The following CDH13 variants were observed in gnomAD, a reference collection of about 807,000 sequenced individuals.
CDH13 encodes the protein cadherin-13.
Under a neutral mutation model 63.8 loss-of-function variants are expected in CDH13, and 24 were observed. That is an observed-to-expected ratio of 0.38 (90% CI 0.27 to 0.53). The LOEUF is 0.53. Ranked by LOEUF, CDH13 falls within the 20% of genes least tolerant of loss-of-function variation. The pLI, the probability that CDH13 is intolerant of heterozygous loss-of-function variation, is 0.85. For synonymous variants in CDH13, 503 were observed against 355.3 expected (o/e 1.42, Z -4.67); for missense variants, 1,049 against 903.1 (o/e 1.16, Z -2.07).
intron 6 of CDH13, among the ~76,000 whole-genome samples, chr16:83,412,800 C>T (rs970463734): frequency 6.6e-5 from 10 of 152,308 alleles, no homozygotes; most frequent in South Asian, 2.1e-4. Context: ...CATGCATTTA[C>T]GATTTCAGGA....
At chr16:82,637,270 G>T (rs921977713) in intron 1 of CDH13, among the ~76,000 whole-genome samples, 3 of 151,972 alleles carry the variant, frequency 2.0e-5, no homozygotes, top group African/African-American at 4.8e-5. Context: ...AGATTATTGC[G>T]TTCTGTGGCA....
At chr16:83,434,045 T>C (rs2072209652) in intron 6 of CDH13, among the ~76,000 whole-genome samples, 1 of 152,172 alleles carries the variant, frequency 6.6e-6, no homozygotes, top group Non-Finnish European at 1.5e-5. Flanking sequence ...GGTGAGAGGT[T>C]TCCCAGAAGT....
chr16:82,956,308 C>G (rs1468156601), intron 2 of CDH13, among the ~76,000 whole-genome samples: 2 of 152,078 alleles, frequency 1.3e-5, no homozygotes, highest in African/African-American at 2.4e-5. Context: ...TAGATCTAAA[C>G]CACCATTATC....
intron 1 of CDH13, among the ~76,000 whole-genome samples, chr16:82,649,126 C>T (rs994716133): frequency 2.0e-5 from 3 of 152,180 alleles, no homozygotes; most frequent in Non-Finnish European, 1.5e-5. Context: ...ACATTTGTTG[C>T]TTGTTTAAAC....
chr16:83,313,545 C>G (rs138803781), intron 5 of CDH13, among the ~76,000 whole-genome samples: 4 of 150,506 alleles, frequency 2.7e-5, no homozygotes, highest in East Asian at 2.0e-4. Flanking sequence ...TAGAGGTTCT[C>G]AACCCAAAGT....
At chr16:83,157,720 C>A (rs981957738) in intron 4 of CDH13, among the ~76,000 whole-genome samples, 1 of 147,466 alleles carries the variant, frequency 6.8e-6, no homozygotes, top group Non-Finnish European at 1.5e-5. Flanking sequence ...GGGTGAAACC[C>A]CGTCTCTACT....
At chr16:83,442,170 T>C (rs528666259) in intron 6 of CDH13, among the ~76,000 whole-genome samples, 1 of 152,304 alleles carries the variant, frequency 6.6e-6, no homozygotes, top group African/African-American at 2.4e-5. Flanking sequence ...CTGGGTTTAT[T>C]ATTCACTGAG....
intron 10 of CDH13, among the ~76,000 whole-genome samples, chr16:83,733,126 A>G (rs1597144097): frequency 6.6e-6 from 1 of 152,208 alleles, no homozygotes; most frequent in Admixed American, 6.5e-5. Flanking sequence ...GGAAGATAGA[A>G]GGTGGTCAAA....
Position 82,877,958 on chromosome 16 carries a change from CACATAT to C in CDH13, c.157+19489_157+19494del, listed in dbSNP as rs760984927. Among the ~76,000 whole-genome samples the C allele has an allele frequency of 1.8e-3, 168 of 94,870 alleles. 2 individuals carry two copies. In the East Asian group the frequency reaches 0.12, roughly 70 times the overall value. 62.2% of individuals were successfully genotyped at this position (94,870 alleles called of 152,430 possible). On this transcript the variant is annotated intron_variant, in intron 2 of 13. Coordinates refer to ENST00000567109, the MANE Select transcript of CDH13 (RefSeq NM_001257.5). The stretch of plus-strand genomic sequence containing the variant: ...ACACACACACACACACACACACACA[CACATAT>C]ACACACACACACACTCTATATATGT...
At chr16:83,104,882 A>G (rs187931124) in intron 3 of CDH13, among the ~76,000 whole-genome samples, 607 of 152,296 alleles carry the variant, frequency 4.0e-3, no homozygotes, top group Non-Finnish European at 5.6e-3. Context: ...GACCAAATCG[A>G]TCGAGTTCTG....
At chr16:82,861,457 T>C (rs931133856) in intron 2 of CDH13, among the ~76,000 whole-genome samples, 4 of 152,210 alleles carry the variant, frequency 2.6e-5, no homozygotes, top group African/African-American at 9.7e-5. Flanking sequence ...TACCCTAGAC[T>C]TGTGTTCATC....
At chr16:82,861,175 T>C (rs2039929245) in intron 2 of CDH13, among the ~76,000 whole-genome samples, 1 of 152,222 alleles carries the variant, frequency 6.6e-6, no homozygotes, top group South Asian at 2.1e-4. Context: ...AGGGATGTTT[T>C]AGTCTCATAT....
intron 2 of CDH13, among the ~76,000 whole-genome samples, chr16:83,009,643 CTGTTCTTT>C (rs1913915410): frequency 6.6e-6 from 1 of 152,134 alleles, no homozygotes; most frequent in African/African-American, 2.4e-5. Flanking sequence ...TATTTAATAG[CTGTTCTTT>C]TTAAAAAATT....
chr16:82,975,537 A>G lies in CDH13; in HGVS notation c.158-56473A>G, dbSNP rs531124384. Among the ~76,000 whole-genome samples the G allele has an allele frequency of 1.3e-4, 20 of 152,360 alleles. No individual in the cohort carries two copies. The South Asian group carries it at 3.1e-3, about 24-fold the overall frequency. ...ACTGCCATGTGGCTTACATGAGATC[A>G]TGCATGCAAAGCCCCTAATACAGTG... On this transcript the variant is annotated intron_variant, in intron 2 of 13. Coordinates refer to ENST00000567109, the MANE Select transcript of CDH13 (RefSeq NM_001257.5).
At chr16:83,213,535 C>T (rs759511884) in intron 4 of CDH13, among the ~76,000 whole-genome samples, 10 of 152,052 alleles carry the variant, frequency 6.6e-5, no homozygotes, top group Non-Finnish European at 1.2e-4. Flanking sequence ...TCTTCACCAG[C>T]GGGGCCTGTG....
chr16:82,798,029 C>G (rs1379736038), intron 1 of CDH13, among the ~76,000 whole-genome samples: 1 of 152,192 alleles, frequency 6.6e-6, no homozygotes, highest in Non-Finnish European at 1.5e-5. Context: ...TAAAGAGACA[C>G]TTTCTACCCC....
intron 1 of CDH13, among the ~76,000 whole-genome samples, chr16:82,758,435 C>T (rs2325686): frequency 1.3e-5 from 2 of 150,142 alleles, no homozygotes; most frequent in African/African-American, 4.9e-5. Flanking sequence ...TACCCCCCCC[C>T]CTTTGCTTTG....
intron 1 of CDH13, among the ~76,000 whole-genome samples, chr16:82,800,047 CA>C (rs1186401754): frequency 2.3e-4 from 35 of 152,322 alleles, no homozygotes; most frequent in African/African-American, 7.7e-4. Flanking sequence ...TCTTTGTTAG[CA>C]GTTGTGGTTG....
intron 5 of CDH13, among the ~76,000 whole-genome samples, chr16:83,298,317 T>G (rs2151873031): frequency 1.3e-5 from 2 of 152,160 alleles, no homozygotes; most frequent in South Asian, 4.2e-4. Flanking sequence ...GGAGGGAACA[T>G]CAGTGCAGGT....
Sources: gnomAD v4.1 joint callset for allele counts (sites outside exome capture counted in the v4.1 genomes callset) on GRCh38, gnomAD v4.1.1 for gene constraint, MANE v1.5 for transcripts, NCBI Gene and HGNC (gene_info 2026-07-23, HGNC 2026-07-21) for gene names.